Variants in NAP1L4 observed in about 807,000 individuals in gnomAD.
NAP1L4 encodes nucleosome assembly protein 1 like 4, also known as nucleosome assembly protein 1-like 4.
Under a neutral mutation model 58.2 loss-of-function variants are expected in NAP1L4, and 15 were observed. That is an observed-to-expected ratio of 0.26 (90% CI 0.17 to 0.40). The LOEUF is 0.40. Ranked by LOEUF, NAP1L4 falls within the 10% of genes least tolerant of loss-of-function variation. The pLI is 1.00. For synonymous variants in NAP1L4, 171 were observed against 155.6 expected (o/e 1.10, Z -0.74); for missense variants, 384 against 451.1 (o/e 0.85, Z 1.35).
At chr11:2,963,098 C>CAAAAAAAAAAAAAAAAAAAAAAAAAA (rs55650724) in intron 8 of NAP1L4, among the ~76,000 whole-genome samples, 1 of 97,092 alleles carries the variant, frequency 1.0e-5, no homozygotes, top group Non-Finnish European at 2.0e-5. Context: ...GACTCGGTCT[C>CAAAAAAAAAAAAAAAAAAAAAAAAAA]AAAAAAAAAA....
At chr11:2,983,012 T>G (rs1273043315) in intron 1 of NAP1L4, among the ~76,000 whole-genome samples, 1 of 151,498 alleles carries the variant, frequency 6.6e-6, no homozygotes, top group Non-Finnish European at 1.5e-5. Flanking sequence ...ACAGCAAGAC[T>G]CCATCTCAAA....
rs930542172 is a variant in NAP1L4 at position 2,948,631 on chromosome 11, T to C, written c.*32+596A>G. 2.0e-5 allele frequency among the ~76,000 whole-genome samples: 3 copies of C among 152,250 alleles called. No homozygotes were observed. The highest frequency in any genetic ancestry group is 1.3e-4 in the Admixed American group (2 of 15,288). Reference sequence around the variant, plus strand: ...TCATCTACAACTGGTTCTTGCTTCATTCAACTAGCACCAACCTCACAACAG... The same window carrying C: ...TCATCTACAACTGGTTCTTGCTTCACTCAACTAGCACCAACCTCACAACAG... On this transcript the variant is annotated intron_variant, in intron 15 of 15. Coordinates refer to ENST00000380542, the MANE Select transcript of NAP1L4 (RefSeq NM_005969.4). This position sits in a 1 kb window ranked among gnomAD's most constrained non-coding sequence, Gnocchi z 5.1.
chr11:2,987,619 T>G (rs1848713648), intron 1 of NAP1L4, among the ~76,000 whole-genome samples: 1 of 151,022 alleles, frequency 6.6e-6, no homozygotes, highest in South Asian at 2.1e-4. Flanking sequence ...TACCCAGGCG[T>G]GGTGGTGAGC....
At chr11:2,970,858 C>CCA (rs796642592) in intron 6 of NAP1L4, among the ~76,000 whole-genome samples, 189 of 110,424 alleles carry the variant, frequency 1.7e-3, no homozygotes, top group African/African-American at 6.9e-3. Flanking sequence ...ACCCCCCCCC[C>CCA]AAAAAAAAAA....
At chr11:2,979,557 G>A (rs1407411398) in intron 1 of NAP1L4, among the ~76,000 whole-genome samples, 1 of 152,166 alleles carries the variant, frequency 6.6e-6, no homozygotes, top group African/African-American at 2.4e-5. Flanking sequence ...TGGGTCACTT[G>A]AGCTCAGGAG....
intron 8 of NAP1L4, among the ~76,000 whole-genome samples, chr11:2,962,990 C>T (rs1475022022): frequency 6.6e-6 from 1 of 150,882 alleles, no homozygotes; most frequent in African/African-American, 2.4e-5. Flanking sequence ...GTCCCAGCTA[C>T]TCGGGAGGCT....
intron 1 of NAP1L4, among the ~76,000 whole-genome samples, chr11:2,988,763 CAG>C (rs1233072625): frequency 1.3e-5 from 2 of 152,100 alleles, no homozygotes; most frequent in African/African-American, 4.8e-5. Context: ...TAACAGTTAA[CAG>C]GGGATACTTG....
At position 2,954,890 on chromosome 11, in the gene NAP1L4, A is replaced by G. The variant is rs904116895; in HGVS notation, c.916-244T>C. On this transcript the variant is annotated intron_variant, in intron 11 of 15. Coordinates refer to ENST00000380542, the MANE Select transcript of NAP1L4 (RefSeq NM_005969.4). The surrounding 1 kb of genome is among the most constrained non-coding windows in gnomAD (Gnocchi z 4.8). ...GAAGTGAGGGCCCTACAGCTCCACA[A>G]CTTGTCCAAAGGTCTCACCCAGAGT... 12 of 571,058 alleles carry G rather than the reference A, an allele frequency of 2.1e-5. No individual in the cohort carries two copies. The highest frequency in any genetic ancestry group is 3.5e-5 in the Non-Finnish European group (11 of 318,762). 35.4% of individuals were successfully genotyped at this position (571,058 alleles called of 1,614,324 possible).
intron 12 of NAP1L4, chr11:2,952,240 C>T (rs1480934967): frequency 5.5e-6 from 1 of 182,432 alleles, no homozygotes; most frequent in Non-Finnish European, 1.2e-5. Flanking sequence ...CATTTTACAT[C>T]TCATACAAAG....
At chr11:2,970,071 A>C in intron 6 of NAP1L4, 137 bp from the exon 7 acceptor site, 1 of 794,700 alleles carries the variant, frequency 1.3e-6, no homozygotes, top group African/African-American at 1.8e-5. Flanking sequence ...CCTCCAAACC[A>C]CTCACTGGGC....
chr11:2,970,132 A>T (rs950876334), intron 6 of NAP1L4, among the ~76,000 whole-genome samples, 198 bp from the exon 7 acceptor site: 1 of 152,180 alleles, frequency 6.6e-6, no homozygotes, highest in Non-Finnish European at 1.5e-5. Flanking sequence ...AAGTCATTAC[A>T]TCCACACGGA....
intron 1 of NAP1L4, among the ~76,000 whole-genome samples, chr11:2,983,163 T>G (rs758101497): frequency 3.3e-5 from 5 of 152,216 alleles, no homozygotes; most frequent in Non-Finnish European, 7.3e-5. Context: ...AATACTCCCT[T>G]TTGATGCTGT....
chr11:2,964,876 T>A (rs1847169514), intron 7 of NAP1L4, 125 bp from the exon 8 acceptor site: 2 of 700,716 alleles, frequency 2.9e-6, no homozygotes, highest in East Asian at 5.4e-5. Context: ...TCTGTCCTTG[T>A]CAAAGTAATA....
intron 7 of NAP1L4, among the ~76,000 whole-genome samples, chr11:2,968,332 C>T (rs147104625): frequency 1.3e-5 from 2 of 152,170 alleles, no homozygotes. Context: ...TTGTAATACA[C>T]AGGGTGAGAC....
chr11:2,974,772 A>G (rs933567865), intron 4 of NAP1L4, among the ~76,000 whole-genome samples: 16 of 152,072 alleles, frequency 1.1e-4, no homozygotes, highest in African/African-American at 3.9e-4. Context: ...CAAACAAAAA[A>G]ACACGTGCAG....
chr11:2,960,865 T>C (rs1415105523), intron 8 of NAP1L4, among the ~76,000 whole-genome samples: 1 of 152,178 alleles, frequency 6.6e-6, no homozygotes, highest in Non-Finnish European at 1.5e-5. Context: ...GGTTGAGTAA[T>C]TTATAGACAG....
intron 1 of NAP1L4, 55 bp from the exon 2 acceptor site, chr11:2,979,292 A>C (rs1848160724): frequency 9.5e-6 from 14 of 1,467,398 alleles, no homozygotes; most frequent in Admixed American, 1.8e-5. Context: ...ATGTTTGTTC[A>C]ATATACTTTT....
At chr11:2,979,569 T>TC (rs1424115122) in intron 1 of NAP1L4, among the ~76,000 whole-genome samples, 2 of 152,088 alleles carry the variant, frequency 1.3e-5, no homozygotes, top group Non-Finnish European at 2.9e-5. Context: ...GCTCAGGAGT[T>TC]CGAGACCGGC....
intron 2 of NAP1L4, 97 bp from the exon 3 acceptor site, chr11:2,978,439 T>G: frequency 8.7e-7 from 1 of 1,153,886 alleles, no homozygotes. Context: ...TTAAGAGGTA[T>G]CTGTACAGTG....
Sources: allele counts gnomAD v4.1 joint callset (sites outside exome capture counted in the v4.1 genomes callset), GRCh38; gene constraint gnomAD v4.1.1; non-coding constraint Gnocchi (gnomAD v3.1); transcripts MANE v1.5; gene names NCBI Gene and HGNC (gene_info 2026-07-23, HGNC 2026-07-21).